The following KCNN2 variants were observed in gnomAD, a reference collection of about 807,000 sequenced individuals.
KCNN2 encodes the protein potassium calcium-activated channel subfamily N member 2.
A neutral mutation model predicts 55.5 loss-of-function variants in KCNN2; 24 were observed. The ratio of observed to expected loss-of-function variants is 0.43; its 90% CI spans 0.31 to 0.61. KCNN2 has a LOEUF of 0.61. Ranked by LOEUF, KCNN2 falls within the 20% of genes least tolerant of loss-of-function variation. The probability of loss-of-function intolerance (pLI) is 0.08; values close to 1 mark genes in which losing one functional copy is unlikely to be tolerated. For synonymous variants in KCNN2, 431 were observed against 336.1 expected (o/e 1.28, Z -3.09); for missense variants, 754 against 853.6 (o/e 0.88, Z 1.45).
At chr5:114,179,342 A>G (rs1021898176) in intron 1 of KCNN2, among the ~76,000 whole-genome samples, 4 of 152,176 alleles carry the variant, frequency 2.6e-5, no homozygotes, top group Non-Finnish European at 5.9e-5. Flanking sequence ...GTTCCTTTCC[A>G]CATGTGCTTC....
chr5:114,367,693 C>G (rs1281314154), intron 2 of KCNN2, among the ~76,000 whole-genome samples: 1 of 151,818 alleles, frequency 6.6e-6, no homozygotes, highest in Admixed American at 6.6e-5. Flanking sequence ...GTTGGAGATG[C>G]ATCTCTGATG....
rs376378385 is a variant in KCNN2 at position 114,363,096 on chromosome 5, C to G, written c.957C>G (p.Thr319=). The G allele has an allele frequency of 3.1e-6, 5 of 1,612,534 alleles. No individual in the cohort carries two copies. The highest frequency in any genetic ancestry group is 1.7e-5 in the Admixed American group (1 of 60,018). ...GCGGGCACGGCAGCAGCAGTGGCAC[C>G]AAGTCCAGCAAAAAGAAAAACCAGA... is the stretch of plus-strand genomic sequence containing the variant. ...GGSGHGSSSG[T]KSSKKKNQNI... Residue 319 remains threonine, a synonymous_variant, in exon 1 of 8, where the codon ACC becomes ACG. Transcript: ENST00000673685.
chr5:114,375,513 T>G (rs1375546650), intron 2 of KCNN2, among the ~76,000 whole-genome samples: 1 of 152,148 alleles, frequency 6.6e-6, no homozygotes, highest in Non-Finnish European at 1.5e-5. Context: ...CATCTGTCAC[T>G]TGGAAAAAGT....
rs552335545 is a variant in KCNN2, at chr5:114,064,408, G to A, written c.-271+7908G>A. On this transcript the variant is annotated intron_variant, in intron 1 of 10. Coordinates refer to the KCNN2 transcript ENST00000512097. ...GTCCTCCTGGGAAGCCAGTCTCCAT[G>A]CTAGAGGGAGAACCATTCAAAGTCC... Among the ~76,000 whole-genome samples the A allele has an allele frequency of 7.9e-5, 12 of 152,316 alleles. 1 individual carries two copies. In the South Asian group the frequency reaches 2.5e-3, roughly 32 times the overall value.
At chr5:114,471,485 T>C (rs564727005) in intron 4 of KCNN2, among the ~76,000 whole-genome samples, 1 of 152,332 alleles carries the variant, frequency 6.6e-6, no homozygotes, top group South Asian at 2.1e-4. Context: ...AATTCATGTA[T>C]ACGGAACCCA....
chr5:114,366,338 A>G (rs1391483743), intron 2 of KCNN2, among the ~76,000 whole-genome samples: 2 of 152,150 alleles, frequency 1.3e-5, no homozygotes, highest in South Asian at 2.1e-4. Flanking sequence ...ATTTTATATG[A>G]TATGTGGTTT....
At chr5:114,358,456 T>C (rs1166219828), upstream of KCNN2, among the ~76,000 whole-genome samples, 1 of 152,120 alleles carries the variant, frequency 6.6e-6, no homozygotes, top group African/African-American at 2.4e-5. Flanking sequence ...AAGAAAAAAA[T>C]AGGCAATTTT....
At chr5:114,210,508 A>G (rs1753861682) in intron 1 of KCNN2, among the ~76,000 whole-genome samples, 1 of 152,208 alleles carries the variant, frequency 6.6e-6, no homozygotes, top group African/African-American at 2.4e-5. Flanking sequence ...AGCTTGTAAA[A>G]GTAGTCTTTA....
At chr5:114,226,276 T>C (rs1265759619) in intron 2 of KCNN2, among the ~76,000 whole-genome samples, 1 of 152,204 alleles carries the variant, frequency 6.6e-6, no homozygotes, top group African/African-American at 2.4e-5. Flanking sequence ...TGAGCATTTT[T>C]AGAATTGATA....
chr5:114,297,409 G>C (rs1053681859), intron 2 of KCNN2, among the ~76,000 whole-genome samples: 2 of 152,040 alleles, frequency 1.3e-5, no homozygotes, highest in Non-Finnish European at 2.9e-5. Flanking sequence ...TTAATGAAAT[G>C]ATATATTGAA....
chr5:114,324,880 C>G (rs1236617354), intron 2 of KCNN2, among the ~76,000 whole-genome samples: 1 of 152,088 alleles, frequency 6.6e-6, no homozygotes, highest in Non-Finnish European at 1.5e-5. Flanking sequence ...CTAGTGAGGA[C>G]TCAGAAGTAA....
chr5:114,426,223 A>C (rs909390194), intron 3 of KCNN2, among the ~76,000 whole-genome samples: 2 of 152,152 alleles, frequency 1.3e-5, no homozygotes, highest in African/African-American at 4.8e-5. Context: ...TGACTTCCCA[A>C]TTATATTTTG....
chr5:114,193,870 A>G (rs924126083), intron 1 of KCNN2, among the ~76,000 whole-genome samples: 3 of 152,174 alleles, frequency 2.0e-5, no homozygotes, highest in Non-Finnish European at 2.9e-5. Flanking sequence ...AATTTTAAAC[A>G]GCTCTATTGA....
chr5:114,280,660 C>T (rs3101088), intron 2 of KCNN2, among the ~76,000 whole-genome samples: 36,477 of 151,858 alleles, frequency 0.24, 4,677 homozygotes, highest in Middle Eastern at 0.3. Flanking sequence ...ATTAAGTCAC[C>T]GTAATTTCTT....
chr5:114,495,786 C>A, intron 7 of KCNN2, 109 bp from the exon 8 acceptor site: 2 of 996,086 alleles, frequency 2.0e-6, no homozygotes, highest in Non-Finnish European at 3.1e-6. Context: ...GCTGACACCC[C>A]TGTTACACTG....
At chr5:114,071,381 C>T (rs1580483318) in intron 1 of KCNN2, among the ~76,000 whole-genome samples, 1 of 152,300 alleles carries the variant, frequency 6.6e-6, no homozygotes, top group East Asian at 1.9e-4. Context: ...TGTCAGATTA[C>T]ATTGTTCATT....
chr5:114,317,454 A>G (rs879390753), intron 2 of KCNN2, among the ~76,000 whole-genome samples: 3 of 152,164 alleles, frequency 2.0e-5, no homozygotes, highest in Non-Finnish European at 4.4e-5. Context: ...TATATTATTC[A>G]TTGTTTAAAG....
chr5:114,221,767 A>C (rs1393934763), intron 2 of KCNN2, among the ~76,000 whole-genome samples: 1 of 152,212 alleles, frequency 6.6e-6, no homozygotes, highest in Non-Finnish European at 1.5e-5. Context: ...CTGCATTAAG[A>C]AAACATAATA....
intron 1 of KCNN2, among the ~76,000 whole-genome samples, chr5:114,161,426 T>C (rs6884815): frequency 0.69 from 83,112 of 120,076 alleles, 29,615 homozygotes; most frequent in East Asian, 0.9. Flanking sequence ...TCTCTGGCTG[T>C]CCTTAACATT....
Sources: gnomAD v4.1 joint callset for allele counts (sites outside exome capture counted in the v4.1 genomes callset) on GRCh38, gnomAD v4.1.1 for gene constraint, MANE v1.5 for transcripts, NCBI Gene and HGNC (gene_info 2026-07-23, HGNC 2026-07-21) for gene names.